SFI1: variants seen among roughly 807,000 people sequenced by gnomAD.
SFI1 encodes SFI1 centrin binding protein.
In SFI1, 195 loss-of-function variants were observed where a neutral mutation model predicts 207.5. The observed-to-expected ratio is 0.94, with a 90% CI of 0.84 to 1.06. SFI1 has a LOEUF of 1.06. Ranked by LOEUF, SFI1 falls within the 50% of genes least tolerant of loss-of-function variation. The pLI is 0.00. For synonymous variants in SFI1, 630 were observed against 598.9 expected, an observed-to-expected ratio of 1.05 and a Z score of -0.76; for missense variants, 1,634 against 1,588.0, an observed-to-expected ratio of 1.03 and a Z score of -0.49.
At chr22:31,614,700 C>T in intron 27 of SFI1, 89 bp from the exon 28 acceptor site, 31 of 1,451,892 alleles carry the variant, frequency 2.1e-5, no homozygotes, top group Non-Finnish European at 2.8e-5. Flanking sequence ...CTTTCAGTCT[C>T]CCTATAAAAT....
upstream of SFI1, chr22:31,496,360 C>T (rs977351517): frequency 7.9e-5 from 12 of 152,452 alleles, no homozygotes; most frequent in African/African-American, 2.9e-4. Flanking sequence ...TGCTCCACGC[C>T]CCTCGAAACC....
In SFI1 at chr22:31,502,476, C is replaced by T. The variant is rs369055006; in HGVS notation, c.-30-5779C>T. On this transcript the variant is annotated intron_variant, in intron 1 of 32. Coordinates refer to ENST00000400288, the MANE Select transcript of SFI1 (RefSeq NM_001007467.3). ...GCAGCCTCCACCTCCTGGGTTCAAGCGATTCTCCTGCCTCAGCCTCCCAAG... is the reference window on the plus strand; with the variant it reads ...GCAGCCTCCACCTCCTGGGTTCAAGTGATTCTCCTGCCTCAGCCTCCCAAG... Among the ~76,000 whole-genome samples, 22 of 151,694 alleles carry T rather than the reference C, an allele frequency of 1.5e-4. 1 individual carries two copies. The highest frequency in any genetic ancestry group is 1.2e-3 in the East Asian group (6 of 5,114).
chr22:31,575,102 GTGTGTGTGTGTGTGT>G, intron 9 of SFI1, 114 bp from the exon 10 acceptor site: 1 of 357,280 alleles, frequency 2.8e-6, no homozygotes, highest in Non-Finnish European at 4.3e-6. Context: ...GTGTGTGTGT[GTGTGTGTGTGTGTGT>G]GTGTGGCCTT....
rs968822305 is a variant in SFI1, at chr22:31,531,157, G to A, written c.338+28G>A. On this transcript the variant is annotated intron_variant, in intron 4 of 32. Transcript: ENST00000400288. ...AGTATTAGCTCAGAACAACATAATT[G>A]TGTTGAGTTCATTCTAGGGTTTTCT... 20 of 1,561,730 alleles carry A rather than the reference G, an allele frequency of 1.3e-5. No homozygotes were observed. The African/African-American group carries it at 2.3e-4, about 18-fold the overall frequency.
At chr22:31,580,542 C>CTTTTTTTT (rs11347645) in intron 12 of SFI1, among the ~76,000 whole-genome samples, 178 bp downstream of exon 12, 6 of 117,282 alleles carry the variant, frequency 5.1e-5, no homozygotes, top group South Asian at 2.9e-4. Flanking sequence ...CTTTTCTTTT[C>CTTTTTTTT]TTTTTTTTTT....
rs530857404 is a variant in SFI1 at position 31,611,860 on chromosome 22, C to T, written c.2490+20C>T. The T allele has an allele frequency of 3.1e-6, 5 of 1,613,230 alleles. No homozygotes were observed. Among genetic ancestry groups the T allele is most frequent in the East Asian group, 2.2e-5 (1 of 44,864 alleles). ...CAACAGGTGGGAACCCAGGAGATGTCCCCTCTGCACTTCCTTCTCCATCCT... is the reference window on the plus strand; with the variant it reads ...CAACAGGTGGGAACCCAGGAGATGTTCCCTCTGCACTTCCTTCTCCATCCT... On this transcript the variant is annotated intron_variant, in intron 24 of 32. Transcript: ENST00000400288.
At chr22:31,541,311 G>A (rs1223107843) in intron 4 of SFI1, among the ~76,000 whole-genome samples, 1 of 152,048 alleles carries the variant, frequency 6.6e-6, no homozygotes. Context: ...GACGGCTCTT[G>A]TCTGTCACCC....
chr22:31,515,161 T>G (rs1384372002), intron 2 of SFI1, among the ~76,000 whole-genome samples: 3 of 152,098 alleles, frequency 2.0e-5, no homozygotes, highest in Non-Finnish European at 4.4e-5. Flanking sequence ...GGTATCCACC[T>G]CAGAATAGAT....
chr22:31,531,175 G>A lies in SFI1; in HGVS notation c.338+46G>A, dbSNP rs750049608. The A allele has an allele frequency of 7.3e-6, 11 of 1,505,382 alleles. No individual in the cohort carries two copies. In the East Asian group the frequency reaches 2.5e-4, roughly 34 times the overall value. 93.3% of individuals were successfully genotyped at this position (1,505,382 alleles called of 1,614,324 possible). On this transcript the variant is annotated intron_variant, in intron 4 of 32. Transcript: ENST00000400288. The stretch of plus-strand genomic sequence containing the variant: ...CATAATTGTGTTGAGTTCATTCTAG[G>A]GTTTTCTTTTATATTAAGCCTGTAT...
At chr22:31,537,908 T>C (rs1385419844) in intron 4 of SFI1, among the ~76,000 whole-genome samples, 1 of 152,186 alleles carries the variant, frequency 6.6e-6, no homozygotes, top group Non-Finnish European at 1.5e-5. Flanking sequence ...GGGAATAATA[T>C]CATACCACAA....
intron 4 of SFI1, among the ~76,000 whole-genome samples, chr22:31,534,829 G>A (rs2058823703): frequency 6.8e-6 from 1 of 146,646 alleles, no homozygotes; most frequent in African/African-American, 2.5e-5. Context: ...GTTTATATAT[G>A]TGTTATTCTG....
At chr22:31,565,472 G>A (rs754456325) in intron 8 of SFI1, among the ~76,000 whole-genome samples, 39 of 151,040 alleles carry the variant, frequency 2.6e-4, no homozygotes, top group Non-Finnish European at 5.6e-4. Context: ...CAAAATAAGA[G>A]GATCACTTGA....
chr22:31,594,578 G>A (rs1218119711), intron 15 of SFI1, among the ~76,000 whole-genome samples: 5 of 148,448 alleles, frequency 3.4e-5, no homozygotes, highest in African/African-American at 7.5e-5. Flanking sequence ...GAAAAAGGCC[G>A]GGCCTGGTGG....
chr22:31,575,630 C>G (rs141043986), intron 10 of SFI1, among the ~76,000 whole-genome samples: 51 of 152,304 alleles, frequency 3.3e-4, no homozygotes, highest in African/African-American at 1.2e-3. Flanking sequence ...ACCCAACTTT[C>G]AAAATAGAAC....
At chr22:31,556,313 C>G (rs767167497) in intron 6 of SFI1, among the ~76,000 whole-genome samples, 4 of 151,648 alleles carry the variant, frequency 2.6e-5, no homozygotes, top group Non-Finnish European at 5.9e-5. Flanking sequence ...ACCTCTCCCT[C>G]CCAGGTTTAG....
intron 4 of SFI1, among the ~76,000 whole-genome samples, chr22:31,534,740 T>C (rs1467657529): frequency 5.9e-5 from 9 of 152,136 alleles, no homozygotes; most frequent in East Asian, 1.9e-4. Flanking sequence ...TATTTTCTTA[T>C]AATCTTTTAT....
chr22:31,505,391 A>G (rs2054464574), intron 1 of SFI1, among the ~76,000 whole-genome samples: 1 of 151,810 alleles, frequency 6.6e-6, no homozygotes, highest in Non-Finnish European at 1.5e-5. Context: ...GTGAGCCTAG[A>G]TTGCACCACT....
In SFI1 at chr22:31,603,804, G is replaced by T; in HGVS notation, c.1866G>T (p.Trp622Cys). Residue 622 changes from tryptophan to cysteine, a missense_variant, in exon 18 of 33, where the codon TGG (tryptophan) becomes TGT (cysteine). Coordinates refer to ENST00000400288, the MANE Select transcript of SFI1 (RefSeq NM_001007467.3). ...TGGCCCAGCTCCTGCGTTGGGCCTGGAGCCAGTGGAGGGAGGTAAGGCTTT... is the reference window on the plus strand; with the variant it reads ...TGGCCCAGCTCCTGCGTTGGGCCTGTAGCCAGTGGAGGGAGGTAAGGCTTT... ...FHMAQLLRWA[W>C]SQWRECLALR... 6.4e-7 allele frequency: 1 copy of T among 1,568,892 alleles called. No individual in the cohort carries two copies. The highest frequency in any genetic ancestry group is 8.6e-7 in the Non-Finnish European group (1 of 1,166,692).
chr22:31,615,101 CCCTGACGCGGCCCTT>C lies in SFI1; in HGVS notation c.3127_3141del (p.Thr1043_Leu1047del). 1 of 1,606,336 alleles carries C rather than the reference CCCTGACGCGGCCCTT, an allele frequency of 6.2e-7. No individual in the cohort carries two copies. The highest frequency in any genetic ancestry group is 8.5e-7 in the Non-Finnish European group (1 of 1,176,528). On this transcript the variant is annotated inframe_deletion, in exon 29 of 33. Coordinates refer to ENST00000400288, the MANE Select transcript of SFI1 (RefSeq NM_001007467.3). The stretch of plus-strand genomic sequence containing the variant: ...GGCATGGCTCAGCCAGCAGCCCCCT[CCCTGACGCGGCCCTT>C]CCTGGCAGAGGCCCCGACAGCACTG...
Sources: allele counts gnomAD v4.1 joint callset (sites outside exome capture counted in the v4.1 genomes callset), GRCh38; gene constraint gnomAD v4.1.1; transcripts MANE v1.5; gene names NCBI Gene and HGNC (gene_info 2026-07-23, HGNC 2026-07-21).